The following MAML3 variants were observed in gnomAD, a reference collection of about 807,000 sequenced individuals.
MAML3 encodes mastermind-like protein 3.
In MAML3, 27 loss-of-function variants were observed where a neutral mutation model predicts 101.9. That is an observed-to-expected ratio of 0.27 (90% CI 0.20 to 0.37). The LOEUF (loss-of-function observed/expected upper bound fraction) is 0.37. Ranked by LOEUF, MAML3 falls within the 10% of genes least tolerant of loss-of-function variation. MAML3 has a pLI of 1.00. For missense variants in MAML3, 1,316 were observed against 1,444.9 expected, an observed-to-expected ratio of 0.91 and a Z score of 1.45; for synonymous variants, 501 against 555.9, an observed-to-expected ratio of 0.90 and a Z score of 1.39.
chr4:139,921,102 C>G (rs1399701932), intron 1 of MAML3, among the ~76,000 whole-genome samples: 1 of 152,120 alleles, frequency 6.6e-6, no homozygotes. Flanking sequence ...TGCTCTGGTA[C>G]ACTCCAGGAG....
At chr4:140,056,661 T>G (rs1727354106) in intron 1 of MAML3, among the ~76,000 whole-genome samples, 1 of 151,686 alleles carries the variant, frequency 6.6e-6, no homozygotes, top group Non-Finnish European at 1.5e-5. Context: ...TACCAAAAAA[T>G]TAGCCAGGGG....
intron 2 of MAML3, among the ~76,000 whole-genome samples, chr4:139,783,048 C>T (rs1470043448): frequency 6.6e-6 from 1 of 152,076 alleles, no homozygotes; most frequent in East Asian, 1.9e-4. Flanking sequence ...TTCCCCAGGG[C>T]TTGTCATTTA....
At chr4:139,923,168 G>T (rs918177319) in intron 1 of MAML3, among the ~76,000 whole-genome samples, 14 of 152,132 alleles carry the variant, frequency 9.2e-5, no homozygotes, top group African/African-American at 2.4e-5. Flanking sequence ...ACTTGACTTT[G>T]TATTTCTTAC....
chr4:140,091,537 C>CAAAACAAAAAA (rs1728048886), intron 1 of MAML3, among the ~76,000 whole-genome samples: 1 of 71,600 alleles, frequency 1.4e-5, no homozygotes, highest in African/African-American at 4.7e-5. Flanking sequence ...AACAACAAAA[C>CAAAACAAAAAA]AAAAACAAAA....
rs1034695955 is a variant in MAML3, at chr4:140,153,127, A to T, written c.201T>A (p.Val67=). The T allele has an allele frequency of 6.5e-7, 1 of 1,550,316 alleles. No homozygotes were observed. Among genetic ancestry groups the T allele is most frequent in the Non-Finnish European group, 8.7e-7 (1 of 1,146,776 alleles). ...GCTCCACCACGGTGCTGTGCTTGGG[A>T]ACGGCCGCCGAACCGCCGCCGGGGC... ...SGGPGGGSAA[V]PKHSTVVERL... Residue 67 remains valine, a synonymous_variant, in exon 1 of 5, where the codon GTT becomes GTA. Coordinates refer to ENST00000509479, the MANE Select transcript of MAML3 (RefSeq NM_018717.5).
intron 2 of MAML3, among the ~76,000 whole-genome samples, chr4:139,772,208 C>G (rs1422487141): frequency 2.4e-5 from 3 of 125,166 alleles, no homozygotes; most frequent in Non-Finnish European, 4.8e-5. Context: ...CCACTGCACT[C>G]CAGCCTGGGT....
intron 1 of MAML3, among the ~76,000 whole-genome samples, chr4:139,914,048 C>T (rs1732981924): frequency 6.6e-6 from 1 of 152,058 alleles, no homozygotes; most frequent in South Asian, 2.1e-4. Flanking sequence ...TGTTTCCCTC[C>T]TCCCTTCCTT....
chr4:140,143,617 C>T (rs182017148), intron 1 of MAML3, among the ~76,000 whole-genome samples: 22 of 152,154 alleles, frequency 1.4e-4, no homozygotes, highest in African/African-American at 2.9e-4. Context: ...AAAAATTAGC[C>T]GGGCGTGGTG....
chr4:139,776,250 G>A (rs1346736576), intron 2 of MAML3, among the ~76,000 whole-genome samples: 2 of 152,160 alleles, frequency 1.3e-5, no homozygotes, highest in African/African-American at 2.4e-5. Context: ...TTTTGTTGCA[G>A]AGGTGTTGTG....
At chr4:139,872,162 C>T (rs181829966) in intron 2 of MAML3, among the ~76,000 whole-genome samples, 6 of 152,282 alleles carry the variant, frequency 3.9e-5, no homozygotes, top group African/African-American at 1.2e-4. Flanking sequence ...ACTTGGACAA[C>T]ATTTCACTCT....
chr4:139,733,717 C>T (rs1319732663), intron 2 of MAML3, among the ~76,000 whole-genome samples: 1 of 152,160 alleles, frequency 6.6e-6, no homozygotes, highest in African/African-American at 2.4e-5. Context: ...CAGGGTTTCA[C>T]TCCGTTGCCC....
At chr4:140,065,018 A>G (rs1727507956) in intron 1 of MAML3, among the ~76,000 whole-genome samples, 1 of 152,100 alleles carries the variant, frequency 6.6e-6, no homozygotes. Context: ...CAGAGATGAC[A>G]TTTTTCTAAT....
At chr4:139,825,748 TCAAGGA>T in intron 2 of MAML3, among the ~76,000 whole-genome samples, 2 of 147,460 alleles carry the variant, frequency 1.4e-5, no homozygotes, top group Non-Finnish European at 3.0e-5. Flanking sequence ...GACAATGACT[TCAAGGA>T]AGAGAAGAAG....
intron 2 of MAML3, among the ~76,000 whole-genome samples, chr4:139,886,832 C>T (rs1366049709): frequency 1.3e-5 from 2 of 152,048 alleles, no homozygotes; most frequent in African/African-American, 2.4e-5. Flanking sequence ...ATTTTTGTTT[C>T]CCTGTTTTTT....
intron 1 of MAML3, among the ~76,000 whole-genome samples, chr4:139,929,646 AG>A (rs1378313967): frequency 2.0e-5 from 3 of 152,230 alleles, no homozygotes; most frequent in Non-Finnish European, 1.5e-5. Flanking sequence ...GTATGGGCAG[AG>A]GCTGTGCTTG....
At chr4:139,884,894 T>C (rs1732295963) in intron 2 of MAML3, among the ~76,000 whole-genome samples, 1 of 152,198 alleles carries the variant, frequency 6.6e-6, no homozygotes, top group Non-Finnish European at 1.5e-5. Context: ...TGCTAGGCAC[T>C]ATGCAAAAAT....
chr4:139,843,963 C>T (rs186745798), intron 2 of MAML3, among the ~76,000 whole-genome samples: 160 of 152,260 alleles, frequency 1.1e-3, no homozygotes, highest in African/African-American at 2.9e-3. Context: ...TATTGCACTG[C>T]GCTGACATTT....
At chr4:139,923,213 C>G (rs949706324) in intron 1 of MAML3, among the ~76,000 whole-genome samples, 2 of 152,126 alleles carry the variant, frequency 1.3e-5, no homozygotes, top group African/African-American at 4.8e-5. Context: ...GCTCCCCACA[C>G]CCCGGGATCC....
intron 3 of MAML3, among the ~76,000 whole-genome samples, chr4:139,727,594 T>C (rs6850715): frequency 0.12 from 18,535 of 152,244 alleles, 1,324 homozygotes; most frequent in Non-Finnish European, 0.16. Context: ...ATTTGTAAAA[T>C]GATGGGACTT....
Sources: gnomAD v4.1 joint callset for allele counts (sites outside exome capture counted in the v4.1 genomes callset) on GRCh38, gnomAD v4.1.1 for gene constraint, MANE v1.5 for transcripts, NCBI Gene and HGNC (gene_info 2026-07-23, HGNC 2026-07-21) for gene names.